The following NUGGC variants were observed in gnomAD, a reference collection of about 807,000 sequenced individuals.
NUGGC encodes the protein nuclear GTPase SLIP-GC.
NUGGC carries 58 observed loss-of-function variants against 92.6 expected under a neutral mutation model. The observed-to-expected ratio is 0.63, with a 90% CI of 0.51 to 0.78. The LOEUF is 0.78. Ranked by LOEUF, NUGGC falls within the 30% of genes least tolerant of loss-of-function variation. NUGGC has a pLI of 0.00. For synonymous variants in NUGGC, 376 were observed against 366.4 expected (o/e 1.03, Z -0.30); for missense variants, 925 against 964.6 (o/e 0.96, Z 0.54).
chr8:28,070,105 T>A, intron 3 of NUGGC, 147 bp downstream of exon 3: 1 of 1,437,956 alleles, frequency 7.0e-7, no homozygotes, highest in Non-Finnish European at 9.1e-7. Context: ...TGCATACCGC[T>A]ACAGAGACTT....
chr8:28,045,480 T>C, intron 12 of NUGGC, 47 bp downstream of exon 12: 1 of 1,572,736 alleles, frequency 6.4e-7, no homozygotes, highest in Non-Finnish European at 8.6e-7. Context: ...AAAGGAAATG[T>C]CCTGCCCAGG....
chr8:28,029,167 G>T, intron 17 of NUGGC, 99 bp downstream of exon 17: 1 of 1,250,476 alleles, frequency 8.0e-7, no homozygotes. Flanking sequence ...GTTCCATTTG[G>T]ACCCAAATGC....
intron 11 of NUGGC, among the ~76,000 whole-genome samples, chr8:28,046,601 C>T (rs756982833): frequency 6.6e-5 from 10 of 151,540 alleles, no homozygotes; most frequent in Non-Finnish European, 1.0e-4. Flanking sequence ...GCCTCACAGA[C>T]AAAATATACA....
At chr8:28,030,876 G>A (rs761924133) in intron 15 of NUGGC, among the ~76,000 whole-genome samples, 4 of 152,158 alleles carry the variant, frequency 2.6e-5, no homozygotes, top group Non-Finnish European at 4.4e-5. Context: ...TCACTGCATC[G>A]GATGCTACTT....
intron 6 of NUGGC, among the ~76,000 whole-genome samples, chr8:28,066,510 C>T (rs1810444107): frequency 6.6e-6 from 1 of 152,056 alleles, no homozygotes; most frequent in African/African-American, 2.4e-5. Context: ...ATCAGGAGAT[C>T]ATTGAACATT....
At chr8:28,074,707 G>A (rs1163182927) in intron 1 of NUGGC, among the ~76,000 whole-genome samples, 1 of 152,236 alleles carries the variant, frequency 6.6e-6, no homozygotes, top group Admixed American at 6.5e-5. Flanking sequence ...GGGAGGCCAA[G>A]GCGGGAGGAT....
At chr8:28,049,109 A>C (rs978918992) in intron 10 of NUGGC, among the ~76,000 whole-genome samples, 3 of 152,136 alleles carry the variant, frequency 2.0e-5, no homozygotes, top group Non-Finnish European at 4.4e-5. Context: ...TGATGCAAAG[A>C]TATAAAGAGC....
At chr8:28,081,748 C>T (rs1318342626) in intron 1 of NUGGC, among the ~76,000 whole-genome samples, 1 of 152,000 alleles carries the variant, frequency 6.6e-6, no homozygotes, top group Non-Finnish European at 1.5e-5. Flanking sequence ...CGTTGTGGCA[C>T]ATGCCTGTAG....
At chr8:28,057,635 T>A (rs895352490) in intron 9 of NUGGC, among the ~76,000 whole-genome samples, 1 of 152,088 alleles carries the variant, frequency 6.6e-6, no homozygotes, top group Admixed American at 6.6e-5. Context: ...CACCAAGTCC[T>A]GCCATGATTT....
chr8:28,056,191 C>T, intron 9 of NUGGC, 137 bp from the exon 10 acceptor site: 1 of 562,938 alleles, frequency 1.8e-6, no homozygotes. Context: ...TAGAATTATA[C>T]ACAGTTGCCG....
rs952304671 is a variant in NUGGC at position 28,059,068 on chromosome 8, A to T, written c.1098-792T>A. Among the ~76,000 whole-genome samples, 3 of 152,256 alleles carry T rather than the reference A, an allele frequency of 2.0e-5. No homozygotes were observed. In the South Asian group the frequency reaches 6.2e-4, roughly 32 times the overall value. On this transcript the variant is annotated intron_variant, in intron 8 of 18. Coordinates refer to ENST00000413272, the MANE Select transcript of NUGGC (RefSeq NM_001010906.2). Reference sequence around the variant, plus strand: ...GCTGGAGATATTCTCTGCTGGGGTGAGATGGGGAGAAATGCAGGAGGAAAA... The same window carrying T: ...GCTGGAGATATTCTCTGCTGGGGTGTGATGGGGAGAAATGCAGGAGGAAAA...
chr8:28,066,552 A>C (rs1305689361), intron 6 of NUGGC, among the ~76,000 whole-genome samples: 1 of 152,176 alleles, frequency 6.6e-6, no homozygotes, highest in East Asian at 1.9e-4. Flanking sequence ...AATTGTACCC[A>C]TTTTACCAAT....
At chr8:28,048,971 A>G (rs1036297101) in intron 10 of NUGGC, among the ~76,000 whole-genome samples, 1 of 152,078 alleles carries the variant, frequency 6.6e-6, no homozygotes, top group Non-Finnish European at 1.5e-5. Flanking sequence ...ATATAGAAAT[A>G]GCATTACATA....
intron 10 of NUGGC, 56 bp downstream of exon 10, chr8:28,055,909 C>T (rs1810121260): frequency 1.0e-6 from 1 of 978,744 alleles, no homozygotes. Flanking sequence ...ACATTTGTCT[C>T]CCAAAATCTA....
Position 28,033,619 on chromosome 8 carries a change from G to A in NUGGC, c.1690C>T (p.Leu564=), listed in dbSNP as rs1420482067. ...LKNGIYASRT[L]ARIDLNEALT... ...GCTTCATTTAGATCAATTCTCGCCAGAGTCCTGGAGGCATAGATGCCATTT... is the reference window on the plus strand; with the variant it reads ...GCTTCATTTAGATCAATTCTCGCCAAAGTCCTGGAGGCATAGATGCCATTT... Residue 564 remains leucine (L), a synonymous_variant, in exon 14 of 19, where the codon CTG becomes TTG. Coordinates refer to ENST00000413272, the MANE Select transcript of NUGGC (RefSeq NM_001010906.2). 1.9e-6 allele frequency: 3 copies of A among 1,614,002 alleles called. No homozygotes were observed. Among genetic ancestry groups the A allele is most frequent in the Non-Finnish European group, 2.5e-6 (3 of 1,179,864 alleles).
chr8:28,064,667 T>C lies in NUGGC; in HGVS notation c.776A>G (p.Glu259Gly), dbSNP rs201003560. ...IRTQRRDWDG[E>G]AAEMRIWPLI... ...GGGCCAGATGCGCATCTCAGCGGCC[T>C]CTCCATCCCAATCTCTCCTCTGTGT... The change falls in exon 7 of 19, where the codon GAG becomes GGG. Residue 259 changes from glutamate to glycine, a missense_variant. Coordinates refer to ENST00000413272, the MANE Select transcript of NUGGC (RefSeq NM_001010906.2). 1.2e-6 allele frequency: 2 copies of C among 1,614,012 alleles called. No individual in the cohort carries two copies. The highest frequency in any genetic ancestry group is 2.7e-5 in the African/African-American group (2 of 75,046).
At chr8:28,025,545 T>C (rs1809235745) in intron 18 of NUGGC, among the ~76,000 whole-genome samples, 1 of 152,188 alleles carries the variant, frequency 6.6e-6, no homozygotes, top group African/African-American at 2.4e-5. Flanking sequence ...GACTATCATC[T>C]TAAAACTTAG....
Position 28,074,235 on chromosome 8 carries a change from G to A in NUGGC, c.43+133C>T, listed in dbSNP as rs7812665. ...TTCATTCACTATTTAAACTTGTCAC[G>A]AGAAAGCACCTTCTGAATAAAGAGT... On this transcript the variant is annotated intron_variant, in intron 2 of 18. Transcript: ENST00000413272. 387 of 682,784 alleles carry A rather than the reference G, an allele frequency of 5.7e-4. No homozygotes were observed. In the African/African-American group the frequency reaches 6.3e-3, roughly 11 times the overall value. 42.3% of individuals were successfully genotyped at this position (682,784 alleles called of 1,614,324 possible). A position where few individuals can be genotyped will look rare whatever the true frequency, so the allele number is the denominator to read the frequency against.
At chr8:28,033,740 G>A (rs1383598692) in intron 13 of NUGGC, 43 bp from the exon 14 acceptor site, 2 of 1,563,848 alleles carry the variant, frequency 1.3e-6, no homozygotes, top group East Asian at 4.5e-5. Flanking sequence ...GCATTAACTG[G>A]AAGGTCACTG....
Sources: gnomAD v4.1 joint callset for allele counts (sites outside exome capture counted in the v4.1 genomes callset) on GRCh38, gnomAD v4.1.1 for gene constraint, MANE v1.5 for transcripts, NCBI Gene and HGNC (gene_info 2026-07-23, HGNC 2026-07-21) for gene names.